Variants in FHIT observed in about 807,000 individuals in gnomAD.
The protein encoded by FHIT is bis(5'-adenosyl)-triphosphatase.
FHIT carries 19 observed loss-of-function variants against 17.9 expected under a neutral mutation model. The observed-to-expected ratio is 1.06, with a 90% CI of 0.74 to 1.56. The LOEUF (loss-of-function observed/expected upper bound fraction) is 1.56. Among genes scored for constraint, FHIT ranks in the 40% most tolerant of loss-of-function variants. The pLI is 0.00. For missense variants in FHIT, 248 were observed against 189.2 expected (o/e 1.31, Z -1.82); for synonymous variants, 81 against 69.7 (o/e 1.16, Z -0.81).
intron 1 of FHIT, among the ~76,000 whole-genome samples, chr3:61,243,198 T>G (rs1223995351): frequency 6.6e-6 from 1 of 152,212 alleles, no homozygotes; most frequent in Non-Finnish European, 1.5e-5. Flanking sequence ...GAGGTTTCAC[T>G]TTGTCTAGTT....
chr3:61,169,798 C>T (rs1386830231), intron 2 of FHIT, among the ~76,000 whole-genome samples: 1 of 152,124 alleles, frequency 6.6e-6, no homozygotes, highest in African/African-American at 2.4e-5. Flanking sequence ...GGAGAGAGAT[C>T]AGGTTCAACT....
intron 5 of FHIT, among the ~76,000 whole-genome samples, chr3:60,458,097 G>A (rs2032226327): frequency 6.6e-6 from 1 of 152,116 alleles, no homozygotes; most frequent in African/African-American, 2.4e-5. Flanking sequence ...ATACCCAAAG[G>A]ATTATAAATC....
chr3:59,757,140 G>C (rs1701259837), intron 8 of FHIT, among the ~76,000 whole-genome samples: 1 of 152,096 alleles, frequency 6.6e-6, no homozygotes. Context: ...GTTTCCTTCT[G>C]ATGCAACAAC....
At chr3:60,715,971 C>T (rs1269327544) in intron 4 of FHIT, among the ~76,000 whole-genome samples, 1 of 152,146 alleles carries the variant, frequency 6.6e-6, no homozygotes, top group African/African-American at 2.4e-5. Context: ...GTGGCCTTGG[C>T]TGAGCACGGT....
intron 5 of FHIT, among the ~76,000 whole-genome samples, chr3:60,091,785 G>A (rs1261198745): frequency 6.6e-6 from 1 of 152,074 alleles, no homozygotes; most frequent in Non-Finnish European, 1.5e-5. Context: ...CCCACCACAT[G>A]AGATGCCTCA....
chr3:60,375,716 A>G (rs1700529420), intron 5 of FHIT, among the ~76,000 whole-genome samples: 1 of 152,116 alleles, frequency 6.6e-6, no homozygotes, highest in Non-Finnish European at 1.5e-5. Flanking sequence ...TTCTGCCTGG[A>G]CTATTCTCCC....
In FHIT at chr3:61,250,749, G is replaced by C. The variant is rs544399776; in HGVS notation, c.-213+552C>G. 2.6e-5 allele frequency among the ~76,000 whole-genome samples: 4 copies of C among 152,110 alleles called. No homozygotes were observed. In the South Asian group the frequency reaches 6.2e-4, roughly 24 times the overall value. On this transcript the variant is annotated intron_variant, in intron 1 of 9. Coordinates refer to ENST00000492590, the MANE Select transcript of FHIT (RefSeq NM_002012.4). Reference sequence around the variant, plus strand: ...AATAAGTGTAAGAAAGTCCGACCAAGTACCGATGAGTTCTCCCACAACAAT... The same window carrying C: ...AATAAGTGTAAGAAAGTCCGACCAACTACCGATGAGTTCTCCCACAACAAT...
intron 4 of FHIT, among the ~76,000 whole-genome samples, chr3:60,575,032 G>C (rs2107669951): frequency 6.6e-6 from 1 of 152,198 alleles, no homozygotes; most frequent in South Asian, 2.1e-4. Context: ...GGCAAAAGTG[G>C]AGTAAAGAAT....
At chr3:60,771,813 T>A (rs921925301) in intron 4 of FHIT, among the ~76,000 whole-genome samples, 7 of 152,326 alleles carry the variant, frequency 4.6e-5, no homozygotes, top group Admixed American at 2.0e-4. Flanking sequence ...TGCTAAGGAT[T>A]TATTTCTTAT....
intron 8 of FHIT, among the ~76,000 whole-genome samples, chr3:59,878,786 TA>T (rs1220397475): frequency 1.3e-5 from 2 of 152,294 alleles, no homozygotes; most frequent in East Asian, 3.9e-4. Flanking sequence ...ATATTGACGC[TA>T]ACGAGAAAGG....
chr3:60,420,319 A>C (rs1283082300), intron 5 of FHIT, among the ~76,000 whole-genome samples: 1 of 152,182 alleles, frequency 6.6e-6, no homozygotes, highest in Non-Finnish European at 1.5e-5. Flanking sequence ...TGTATAACAC[A>C]GTTCATTCAA....
intron 2 of FHIT, among the ~76,000 whole-genome samples, chr3:61,104,416 G>A (rs1441866111): frequency 6.6e-6 from 1 of 152,140 alleles, no homozygotes; most frequent in Non-Finnish European, 1.5e-5. Flanking sequence ...CTGGCTTGTA[G>A]GGTTTCTGCT....
intron 5 of FHIT, among the ~76,000 whole-genome samples, chr3:60,155,627 C>T (rs763754853): frequency 1.3e-5 from 2 of 152,152 alleles, no homozygotes; most frequent in Non-Finnish European, 2.9e-5. Flanking sequence ...CATCAAATAC[C>T]CCAATACTCA....
In FHIT at chr3:59,911,490, AT is replaced by A. The variant is rs1234738471; in HGVS notation, c.348+10855del. On this transcript the variant is annotated intron_variant, in intron 8 of 9. Transcript: ENST00000492590. ...TTTAGGGGAGCAATTTATCAAGCTA[AT>A]TTTCAGGGAGATTCCAGAAACGGGT... 4.6e-5 allele frequency among the ~76,000 whole-genome samples: 7 copies of A among 152,102 alleles called. No homozygotes were observed. The East Asian group carries it at 1.3e-3, about 29-fold the overall frequency.
intron 5 of FHIT, among the ~76,000 whole-genome samples, chr3:60,458,866 C>T (rs2032281251): frequency 6.6e-6 from 1 of 152,062 alleles, no homozygotes; most frequent in South Asian, 2.1e-4. Context: ...CCTTGAACTC[C>T]TAGGCTCAAG....
intron 3 of FHIT, among the ~76,000 whole-genome samples, chr3:60,852,067 G>A (rs782416549): frequency 1.1e-4 from 17 of 152,100 alleles, no homozygotes; most frequent in Non-Finnish European, 1.9e-4. Context: ...AACAGATGCA[G>A]TAAAGCAATT....
intron 2 of FHIT, among the ~76,000 whole-genome samples, chr3:61,080,756 C>A (rs145352713): frequency 8.5e-5 from 13 of 152,074 alleles, no homozygotes; most frequent in African/African-American, 3.1e-4. Flanking sequence ...CAAAAAAGAG[C>A]CCTGACAGCT....
chr3:61,002,582 T>C (rs1296895618), intron 3 of FHIT, among the ~76,000 whole-genome samples: 2 of 152,174 alleles, frequency 1.3e-5, no homozygotes, highest in African/African-American at 4.8e-5. Flanking sequence ...GGCCACTTTA[T>C]ACCCTTTGAT....
intron 5 of FHIT, among the ~76,000 whole-genome samples, chr3:60,494,553 T>G (rs1255612015): frequency 2.0e-5 from 3 of 152,082 alleles, no homozygotes; most frequent in Non-Finnish European, 4.4e-5. Flanking sequence ...TATCAAATAC[T>G]AGGTCTTATT....
Sources: allele counts gnomAD v4.1 joint callset (sites outside exome capture counted in the v4.1 genomes callset), GRCh38; gene constraint gnomAD v4.1.1; transcripts MANE v1.5; gene names NCBI Gene and HGNC (gene_info 2026-07-23, HGNC 2026-07-21).